AKAP12: variants seen among roughly 807,000 people sequenced by gnomAD.
The protein encoded by AKAP12 is A-kinase anchoring protein 12, also known as A-kinase anchor protein 12.
AKAP12 carries 32 observed loss-of-function variants against 79.9 expected under a neutral mutation model. The observed-to-expected ratio is 0.40, with a 90% CI of 0.30 to 0.54. AKAP12 has a LOEUF of 0.54. Among genes scored for constraint, AKAP12 ranks in the 20% least tolerant of loss-of-function variants. AKAP12 has a pLI of 0.48. For missense variants in AKAP12, 2,074 were observed against 2,177.0 expected, an observed-to-expected ratio of 0.95 and a Z score of 0.94; for synonymous variants, 808 against 857.0, an observed-to-expected ratio of 0.94 and a Z score of 1.00.
At chr6:151,326,068 C>G (rs1777516189) in intron 3 of AKAP12, among the ~76,000 whole-genome samples, 1 of 152,190 alleles carries the variant, frequency 6.6e-6, no homozygotes, top group African/African-American at 2.4e-5. Context: ...CTCCCTTGGG[C>G]TCAGCAAGAA....
chr6:151,328,170 A>G (rs1777575871), intron 3 of AKAP12, among the ~76,000 whole-genome samples: 1 of 151,574 alleles, frequency 6.6e-6, no homozygotes, highest in South Asian at 2.1e-4. Context: ...TAGTAAAAAT[A>G]CAAAAAAATT....
At chr6:151,355,448 G>A (rs1778418274) in intron 4 of AKAP12, among the ~76,000 whole-genome samples, 1 of 150,648 alleles carries the variant, frequency 6.6e-6, no homozygotes, top group East Asian at 2.0e-4. Flanking sequence ...GACTATAGGT[G>A]CATGCCACCA....
In AKAP12 at chr6:151,356,345, T is replaced by C. The variant is rs1322472096; in HGVS notation, c.*631T>C. The C allele has an allele frequency of 2.6e-5, 4 of 152,584 alleles. No homozygotes were observed. The highest frequency in any genetic ancestry group is 9.7e-5 in the African/African-American group (4 of 41,450). The allele number at this position is 152,584 out of a possible 1,614,324, so 9.5% of individuals were successfully genotyped here. A position where few individuals can be genotyped will look rare whatever the true frequency, so the allele number is the denominator to read the frequency against. ...TTGGTCACTTTCCTATTACACGGAGTGTGCTAAAACTAAAAAGCATTTTGA... is the reference window on the plus strand; with the variant it reads ...TTGGTCACTTTCCTATTACACGGAGCGTGCTAAAACTAAAAAGCATTTTGA... On this transcript the variant is annotated 3_prime_UTR_variant, in exon 5 of 5. Transcript: ENST00000402676.
At chr6:151,316,065 A>G (rs1005337700) in intron 3 of AKAP12, among the ~76,000 whole-genome samples, 3 of 152,026 alleles carry the variant, frequency 2.0e-5, no homozygotes, top group African/African-American at 2.4e-5. Context: ...CAGACAAACC[A>G]TATCATATAG....
chr6:151,309,860 T>G (rs1358719489), intron 3 of AKAP12, among the ~76,000 whole-genome samples: 1 of 152,114 alleles, frequency 6.6e-6, no homozygotes, highest in Non-Finnish European at 1.5e-5. Context: ...GAAATGCAAC[T>G]GGGCTTCCTC....
intron 3 of AKAP12, among the ~76,000 whole-genome samples, chr6:151,312,239 G>A (rs536567753): frequency 6.6e-6 from 1 of 152,308 alleles, no homozygotes; most frequent in East Asian, 1.9e-4. Context: ...GGGAGGCCGA[G>A]GAGGGCGGAT....
chr6:151,312,598 A>T (rs534424896), intron 3 of AKAP12, among the ~76,000 whole-genome samples: 30 of 152,214 alleles, frequency 2.0e-4, no homozygotes, highest in Non-Finnish European at 4.0e-4. Context: ...CAGACCATCC[A>T]GGCTAACACG....
chr6:151,345,944 A>T lies in AKAP12; in HGVS notation c.320-2767A>T, dbSNP rs1314715929. ...GTGTGTGTGTGTGTGAGAGAGAGAG[A>T]GAGAGAGAGAGAGAGAGAGAAAGGA... On this transcript the variant is annotated intron_variant, in intron 3 of 4. Transcript: ENST00000402676. 2.2e-3 allele frequency among the ~76,000 whole-genome samples: 322 copies of T among 149,766 alleles called. 3 individuals are homozygous for T. The highest frequency in any genetic ancestry group is 6.3e-3 in the African/African-American group (252 of 40,246).
At chr6:151,260,616 T>G (rs1797407995) in intron 2 of AKAP12, among the ~76,000 whole-genome samples, 1 of 152,202 alleles carries the variant, frequency 6.6e-6, no homozygotes. Context: ...CGTCATGGTT[T>G]AGAGGTGGCT....
chr6:151,316,395 C>G (rs1342106072), intron 3 of AKAP12, among the ~76,000 whole-genome samples: 2 of 152,158 alleles, frequency 1.3e-5, no homozygotes, highest in Non-Finnish European at 2.9e-5. Flanking sequence ...CATTATCCCC[C>G]TGTATTAATT....
At chr6:151,320,798 A>G (rs906544109) in intron 3 of AKAP12, among the ~76,000 whole-genome samples, 3 of 152,084 alleles carry the variant, frequency 2.0e-5, no homozygotes, top group South Asian at 2.1e-4. Context: ...CAAGCCTCCA[A>G]TGGCTCCCTA....
At chr6:151,340,001 A>T (rs1179198831) in intron 3 of AKAP12, among the ~76,000 whole-genome samples, 1 of 151,384 alleles carries the variant, frequency 6.6e-6, no homozygotes, top group East Asian at 1.9e-4. Flanking sequence ...ATCTCAGCTC[A>T]CTGCGAGCCC....
rs1361307173 is a variant in AKAP12 at position 151,349,599 on chromosome 6, T to G, written c.1208T>G (p.Val403Gly). 6.2e-7 allele frequency: 1 copy of G among 1,610,052 alleles called. No individual in the cohort carries two copies. Among genetic ancestry groups the G allele is most frequent in the African/African-American group, 1.3e-5 (1 of 74,214 alleles). ...AAACCTGCTCCGTTGGCGACAGAAG[T>G]GTTTGATGAGAAAATAGAAGTCCAC... ...EEKPAPLATE[V>G]FDEKIEVHQE... is the part of the protein sequence containing the mutation. Residue 403 changes from valine (V) to glycine (G), a missense_variant, in exon 4 of 5, where the codon GTG (valine) becomes GGG (glycine). This residue lies in a region of AKAP12 where 1,428 missense variants were observed against 1,451.0 expected (regional missense o/e 0.98). Transcript: ENST00000402676.
At chr6:151,255,989 TA>T (rs1419460972) in intron 2 of AKAP12, among the ~76,000 whole-genome samples, 1 of 152,076 alleles carries the variant, frequency 6.6e-6, no homozygotes, top group African/African-American at 2.4e-5. Context: ...CATGCTCATG[TA>T]CCAGGTTTTG....
chr6:151,242,232 C>A (rs1348885989), intron 2 of AKAP12, among the ~76,000 whole-genome samples: 1 of 152,170 alleles, frequency 6.6e-6, no homozygotes. Context: ...CCCCACCGCC[C>A]CGGCTTTTAT....
At chr6:151,274,076 CT>C (rs377032584) in intron 2 of AKAP12, among the ~76,000 whole-genome samples, 554 of 137,520 alleles carry the variant, frequency 4.0e-3, no homozygotes, top group African/African-American at 5.5e-3. Context: ...TCCCTCAGTT[CT>C]TTTTTTTTTT....
intron 3 of AKAP12, among the ~76,000 whole-genome samples, chr6:151,341,487 C>T (rs1240436172): frequency 6.6e-6 from 1 of 152,164 alleles, no homozygotes; most frequent in Non-Finnish European, 1.5e-5. Flanking sequence ...GCAGGACCCC[C>T]GGGGGTTTCC....
intron 2 of AKAP12, among the ~76,000 whole-genome samples, chr6:151,260,647 C>T (rs1701027412): frequency 6.6e-6 from 1 of 152,184 alleles, no homozygotes; most frequent in Non-Finnish European, 1.5e-5. Context: ...TGTAAGAGCT[C>T]TTTGAGTTTG....
At position 151,285,396 on chromosome 6, in the gene AKAP12, G is replaced by T. The variant is rs9397043; in HGVS notation, c.163-20351G>T. Among the ~76,000 whole-genome samples the T allele has an allele frequency of 3.6e-3, 339 of 93,196 alleles. 1 individual carries two copies. The highest frequency in any genetic ancestry group is 0.014 in the East Asian group (12 of 834). The allele number at this position is 93,196 out of a possible 152,430, so 61.1% of individuals were successfully genotyped here. A position where few individuals can be genotyped will look rare whatever the true frequency, so the allele number is the denominator to read the frequency against. On this transcript the variant is annotated intron_variant, in intron 2 of 4. Transcript: ENST00000402676. ...GAGCTGCATTTCACTGTGTGTGTGT[G>T]TGTGTGTGTGTGTGTGTGTGTGTAT...
Sources: gnomAD v4.1 joint callset for allele counts (sites outside exome capture counted in the v4.1 genomes callset) on GRCh38, gnomAD v4.1.1 for gene constraint, gnomAD v4.1.1 regional missense constraint, MANE v1.5 for transcripts, NCBI Gene and HGNC (gene_info 2026-07-23, HGNC 2026-07-21) for gene names.